SPIN1: variants seen among roughly 807,000 people sequenced by gnomAD.
The protein encoded by SPIN1 is spindlin 1.
SPIN1 carries 3 observed loss-of-function variants against 26.0 expected under a neutral mutation model. The observed-to-expected ratio is 0.12, with a 90% CI of 0.05 to 0.30. The LOEUF (loss-of-function observed/expected upper bound fraction) is 0.30. Ranked by LOEUF, SPIN1 falls within the 10% of genes least tolerant of loss-of-function variation. The pLI is 1.00. For missense variants in SPIN1, 126 were observed against 333.4 expected, an observed-to-expected ratio of 0.38 and a Z score of 4.84; for synonymous variants, 101 against 116.5, an observed-to-expected ratio of 0.87 and a Z score of 0.86.
At chr9:88,410,856 A>G (rs1827427978) in intron 1 of SPIN1, 1 of 920,404 alleles carries the variant, frequency 1.1e-6, no homozygotes, top group Non-Finnish European at 1.8e-6. Flanking sequence ...CTCCACGACC[A>G]CCACGTTTCC....
intron 2 of SPIN1, among the ~76,000 whole-genome samples, chr9:88,429,620 A>G (rs943571124): frequency 6.6e-6 from 1 of 151,954 alleles, no homozygotes; most frequent in Non-Finnish European, 1.5e-5. Flanking sequence ...TGGTGCATCT[A>G]CCCCCCTCCA....
At chr9:88,452,621 T>C (rs1344057278) in intron 3 of SPIN1, among the ~76,000 whole-genome samples, 1 of 152,194 alleles carries the variant, frequency 6.6e-6, no homozygotes, top group Non-Finnish European at 1.5e-5. Flanking sequence ...AAGTGCGCAG[T>C]GTGTAGACAA....
At chr9:88,449,316 G>A (rs1017823616) in intron 3 of SPIN1, among the ~76,000 whole-genome samples, 5 of 151,998 alleles carry the variant, frequency 3.3e-5, no homozygotes, top group Non-Finnish European at 5.9e-5. Flanking sequence ...TGAGCCTTGC[G>A]TGCAGGCTTC....
At chr9:88,399,932 G>C (rs1347231481) in intron 1 of SPIN1, among the ~76,000 whole-genome samples, 1 of 152,210 alleles carries the variant, frequency 6.6e-6, no homozygotes, top group African/African-American at 2.4e-5. Flanking sequence ...TGAGATCATT[G>C]ATTGGTAGGA....
At chr9:88,423,596 A>G (rs923770701) in intron 1 of SPIN1, among the ~76,000 whole-genome samples, 2 of 151,126 alleles carry the variant, frequency 1.3e-5, no homozygotes, top group African/African-American at 4.9e-5. Flanking sequence ...GCACCACCAC[A>G]CCTGGCTAAT....
intron 1 of SPIN1, among the ~76,000 whole-genome samples, chr9:88,418,070 G>A (rs1164470030): frequency 6.6e-6 from 1 of 152,176 alleles, no homozygotes; most frequent in Non-Finnish European, 1.5e-5. Context: ...GTCCTTTTGG[G>A]TTTTTCTGTG....
intron 1 of SPIN1, among the ~76,000 whole-genome samples, chr9:88,415,084 T>C (rs1216975904): frequency 6.6e-6 from 1 of 152,012 alleles, no homozygotes; most frequent in African/African-American, 2.4e-5. Context: ...TTTTGTATTT[T>C]TAGTAGAGAT....
At chr9:88,398,937 G>C (rs1827127177) in intron 1 of SPIN1, among the ~76,000 whole-genome samples, 1 of 151,832 alleles carries the variant, frequency 6.6e-6, no homozygotes. Context: ...CCCTAGGATG[G>C]ATAAAGGAAA....
chr9:88,390,618 CAATGT>C (rs1344479947), intron 1 of SPIN1, among the ~76,000 whole-genome samples: 1 of 152,130 alleles, frequency 6.6e-6, no homozygotes, highest in Non-Finnish European at 1.5e-5. Context: ...ATGCTTAATT[CAATGT>C]GTCTTCTTTC....
rs149580477 is a variant in SPIN1 at position 88,397,769 on chromosome 9, G to A, written c.-159+9231G>A. Among the ~76,000 whole-genome samples the A allele has an allele frequency of 2.3e-3, 354 of 151,928 alleles. 2 individuals carry two copies. Among genetic ancestry groups the A allele is most frequent in the African/African-American group, 7.7e-3 (321 of 41,488 alleles). On this transcript the variant is annotated intron_variant, in intron 1 of 5. Coordinates refer to ENST00000375859, the MANE Select transcript of SPIN1 (RefSeq NM_006717.3). ...CCCAAGTAGCTGGGAGTACAGGTGC[G>A]TGCCACCATGCCTGGCTAATTTTTT...
In SPIN1 at chr9:88,476,617, G is replaced by A. The variant is rs1027920130; in HGVS notation, c.*1340G>A. 1 of 152,238 alleles carries A rather than the reference G, an allele frequency of 6.6e-6. No homozygotes were observed. Among genetic ancestry groups the A allele is most frequent in the Non-Finnish European group, 1.5e-5 (1 of 68,064 alleles). The allele number at this position is 152,238 out of a possible 1,614,324, so 9.4% of individuals were successfully genotyped here. On this transcript the variant is annotated 3_prime_UTR_variant, in exon 6 of 6. Transcript: ENST00000375859. ...AGCCGTTTGTGTTCGCTTGGTAGGTGTAAGTAATAGCAGCCCTTAGCCACG... is the reference window on the plus strand; with the variant it reads ...AGCCGTTTGTGTTCGCTTGGTAGGTATAAGTAATAGCAGCCCTTAGCCACG...
intron 3 of SPIN1, among the ~76,000 whole-genome samples, chr9:88,456,427 A>G (rs1828473629): frequency 6.6e-6 from 1 of 152,192 alleles, no homozygotes. Context: ...GATTTAGAAT[A>G]CTGCCAGGAT....
In SPIN1 at chr9:88,448,954, A is replaced by C. The variant is rs779957215; in HGVS notation, c.66A>C (p.Val22=). ...TCTCTCTTACAGGCCATGCTGGAGT[A>C]TCTGCCAACATGATGAAGAAGAGGA... The part of the protein sequence containing the change: ...RSRADAGHAG[V]SANMMKKRTS... The change falls in exon 3 of 6, where the codon GTA becomes GTC. Residue 22 remains valine, a synonymous_variant. Transcript: ENST00000375859. The C allele has an allele frequency of 1.2e-5, 20 of 1,612,982 alleles. No individual in the cohort carries two copies. Among genetic ancestry groups the C allele is most frequent in the Non-Finnish European group, 1.7e-5 (20 of 1,179,814 alleles).
intron 1 of SPIN1, among the ~76,000 whole-genome samples, chr9:88,398,222 A>G (rs1038330254): frequency 1.3e-5 from 2 of 151,992 alleles, no homozygotes; most frequent in African/African-American, 2.4e-5. Context: ...GTGCCACTGC[A>G]CTACAGGCAT....
At chr9:88,388,869 G>C (rs1452409408) in intron 1 of SPIN1, among the ~76,000 whole-genome samples, 1 of 151,036 alleles carries the variant, frequency 6.6e-6, no homozygotes, top group East Asian at 1.9e-4. Flanking sequence ...CTTAGCGCGC[G>C]CTTTGTTTGG....
intron 2 of SPIN1, among the ~76,000 whole-genome samples, chr9:88,429,486 C>CA (rs1169464938): frequency 2.0e-5 from 3 of 152,110 alleles, no homozygotes; most frequent in Non-Finnish European, 4.4e-5. Flanking sequence ...TAGAGCAACT[C>CA]ACAAAACTCA....
At chr9:88,402,051 T>C (rs1470498379) in intron 1 of SPIN1, among the ~76,000 whole-genome samples, 1 of 152,112 alleles carries the variant, frequency 6.6e-6, no homozygotes, top group Admixed American at 6.5e-5. Context: ...AGTGCGGCGG[T>C]GCGATCTTGG....
rs61999324 is a variant in SPIN1, at chr9:88,468,373, G to T, written c.357G>T (p.Ala119=). Residue 119 remains alanine (A), a splice_region_variant and synonymous_variant, in exon 5 of 6, where the codon GCG becomes GCT. Transcript: ENST00000375859. ...SALEVLPDRV[A]TSRISDAHLA... is the part of the protein sequence containing the mutation. ...TTTTTTTTTTTTTTTAATCCCCAGC[G>T]ACATCTCGAATCAGCGATGCACACT... 2.0e-6 allele frequency: 3 copies of T among 1,498,946 alleles called. No homozygotes were observed. Among genetic ancestry groups the T allele is most frequent in the South Asian group, 1.3e-5 (1 of 76,470 alleles). 92.9% of individuals were successfully genotyped at this position (1,498,946 alleles called of 1,614,324 possible).
At chr9:88,461,071 G>T (rs10046901) in intron 3 of SPIN1, among the ~76,000 whole-genome samples, 28,248 of 152,102 alleles carry the variant, frequency 0.19, 3,472 homozygotes, top group African/African-American at 0.35. Flanking sequence ...CCATGTAAAT[G>T]AGAGGATTCC....
Sources: allele counts gnomAD v4.1 joint callset (sites outside exome capture counted in the v4.1 genomes callset), GRCh38; gene constraint gnomAD v4.1.1; transcripts MANE v1.5; gene names NCBI Gene and HGNC (gene_info 2026-07-23, HGNC 2026-07-21).